SGCZ: variants seen among roughly 807,000 people sequenced by gnomAD.
The protein encoded by SGCZ is zeta-sarcoglycan.
In SGCZ, 40 loss-of-function variants were observed where a neutral mutation model predicts 41.3. That is an observed-to-expected ratio of 0.97 (90% CI 0.75 to 1.26). SGCZ has a LOEUF of 1.26. SGCZ is among the 50% of genes most tolerant of loss of function. The pLI, the probability that SGCZ is intolerant of heterozygous loss-of-function variation, is 0.00. For missense variants in SGCZ, 552 were observed against 369.8 expected, an observed-to-expected ratio of 1.49 and a Z score of -4.04; for synonymous variants, 206 against 137.5, an observed-to-expected ratio of 1.50 and a Z score of -3.49.
chr8:14,247,053 G>C (rs578211237), intron 3 of SGCZ, among the ~76,000 whole-genome samples: 102 of 152,032 alleles, frequency 6.7e-4, no homozygotes, highest in African/African-American at 2.4e-3. Context: ...CTGTTTACCT[G>C]ACTTCCTTGA....
chr8:15,098,548 A>T (rs1353052486), intron 1 of SGCZ, among the ~76,000 whole-genome samples: 1 of 152,234 alleles, frequency 6.6e-6, no homozygotes, highest in Non-Finnish European at 1.5e-5. Flanking sequence ...AGTATATCTT[A>T]TAAAATGTCA....
chr8:14,239,765 A>G (rs981951095), intron 3 of SGCZ, among the ~76,000 whole-genome samples: 3 of 149,626 alleles, frequency 2.0e-5, no homozygotes, highest in African/African-American at 4.9e-5. Context: ...AGCCGGGCGT[A>G]GTGGCGGGCG....
chr8:15,084,517 G>A (rs972248595), intron 1 of SGCZ, among the ~76,000 whole-genome samples: 13 of 152,168 alleles, frequency 8.5e-5, no homozygotes, highest in African/African-American at 1.2e-4. Context: ...TTGGGAGGCC[G>A]AGGCTGGCGG....
At chr8:14,839,148 G>A (rs1802811293) in intron 1 of SGCZ, among the ~76,000 whole-genome samples, 1 of 152,106 alleles carries the variant, frequency 6.6e-6, no homozygotes, top group Non-Finnish European at 1.5e-5. Flanking sequence ...ATTGATGGTT[G>A]CTTAAACTAG....
intron 1 of SGCZ, among the ~76,000 whole-genome samples, chr8:15,217,386 C>T (rs1452031950): frequency 1.4e-5 from 2 of 147,904 alleles, no homozygotes; most frequent in Non-Finnish European, 3.0e-5. Context: ...CACCGCACTC[C>T]AACCTGGGAG....
At chr8:14,337,051 G>C (rs1802527980) in intron 2 of SGCZ, among the ~76,000 whole-genome samples, 1 of 152,102 alleles carries the variant, frequency 6.6e-6, no homozygotes, top group South Asian at 2.1e-4. Flanking sequence ...TGGGAGGACT[G>C]TGAGTGAGTA....
intron 4 of SGCZ, chr8:14,165,245 T>C (rs1168332906): frequency 6.6e-6 from 1 of 152,252 alleles, no homozygotes; most frequent in Non-Finnish European, 1.5e-5. Context: ...ATCCATTTTA[T>C]AGTACATCTT....
chr8:15,223,067 T>G (rs1196359389), intron 1 of SGCZ, among the ~76,000 whole-genome samples: 1 of 152,144 alleles, frequency 6.6e-6, no homozygotes, highest in Non-Finnish European at 1.5e-5. Context: ...GAATCTTAAA[T>G]CATATTAAAT....
chr8:14,807,132 G>T (rs1801563294), intron 1 of SGCZ, among the ~76,000 whole-genome samples: 1 of 151,462 alleles, frequency 6.6e-6, no homozygotes, highest in Admixed American at 6.6e-5. Context: ...CATACTGAAT[G>T]GGCAAAAACT....
At chr8:14,978,452 C>T (rs1419733718) in intron 1 of SGCZ, among the ~76,000 whole-genome samples, 1 of 108,718 alleles carries the variant, frequency 9.2e-6, no homozygotes, top group Non-Finnish European at 1.6e-5. Context: ...GCCTGGAGGA[C>T]CGAGTGAGAC....
chr8:14,293,207 C>T (rs559305526), intron 3 of SGCZ, among the ~76,000 whole-genome samples: 11 of 152,068 alleles, frequency 7.2e-5, no homozygotes, highest in South Asian at 6.2e-4. Context: ...GCAACATACA[C>T]GTAACAAAGA....
intron 3 of SGCZ, among the ~76,000 whole-genome samples, chr8:14,260,842 C>T (rs1186510899): frequency 1.3e-5 from 2 of 152,012 alleles, no homozygotes; most frequent in Non-Finnish European, 2.9e-5. Context: ...TAAACTATCT[C>T]AAGAACAAAA....
At chr8:14,210,408 G>T (rs1563187585) in intron 4 of SGCZ, among the ~76,000 whole-genome samples, 1 of 151,630 alleles carries the variant, frequency 6.6e-6, no homozygotes, top group Non-Finnish European at 1.5e-5. Context: ...CAAACCCTTG[G>T]AATTACCCTT....
chr8:14,873,375 T>C lies in SGCZ; in HGVS notation c.40-318449A>G, dbSNP rs1804236096. ...TATATTTTATAATACATGCCTTCAA[T>C]TCTATGGAATTATAGATTGCCTCTG... On this transcript the variant is annotated intron_variant, in intron 1 of 7. Transcript: ENST00000382080. Among the ~76,000 whole-genome samples, 4 of 152,260 alleles carry C rather than the reference T, an allele frequency of 2.6e-5. No homozygotes were observed. The South Asian group carries it at 8.3e-4, about 32-fold the overall frequency.
chr8:15,184,880 C>T (rs1260104917), intron 1 of SGCZ, among the ~76,000 whole-genome samples: 1 of 152,072 alleles, frequency 6.6e-6, no homozygotes, highest in East Asian at 1.9e-4. Flanking sequence ...TTTGTATTCA[C>T]TTTATTAAAT....
chr8:15,024,588 T>C (rs1374619024), intron 1 of SGCZ, among the ~76,000 whole-genome samples: 1 of 152,054 alleles, frequency 6.6e-6, no homozygotes, highest in Non-Finnish European at 1.5e-5. Flanking sequence ...AAAGAAAAAG[T>C]AGAGCAGTGT....
At position 14,476,441 on chromosome 8, in the gene SGCZ, G is replaced by T. The variant is rs546045993; in HGVS notation, c.234+78291C>A. Among the ~76,000 whole-genome samples the T allele has an allele frequency of 4.6e-5, 7 of 151,736 alleles. No homozygotes were observed. In the South Asian group the frequency reaches 1.5e-3, roughly 32 times the overall value. On this transcript the variant is annotated intron_variant, in intron 2 of 7. Transcript: ENST00000382080. ...TGAGTCTATTTCTCTGGAGAACCCT[G>T]AATAATATATATATGTATGCATGTA...
intron 4 of SGCZ, among the ~76,000 whole-genome samples, chr8:14,199,028 G>A (rs947725308): frequency 6.6e-6 from 1 of 152,286 alleles, no homozygotes; most frequent in South Asian, 2.1e-4. Flanking sequence ...TATCAAATCT[G>A]GGCACCTTAA....
intron 3 of SGCZ, among the ~76,000 whole-genome samples, chr8:14,257,299 C>T (rs902275180): frequency 6.6e-6 from 1 of 151,714 alleles, no homozygotes; most frequent in Non-Finnish European, 1.5e-5. Context: ...CCACTCACTC[C>T]CTCACTCCAC....
Sources: allele counts gnomAD v4.1 joint callset (sites outside exome capture counted in the v4.1 genomes callset), GRCh38; gene constraint gnomAD v4.1.1; transcripts MANE v1.5; gene names NCBI Gene and HGNC (gene_info 2026-07-23, HGNC 2026-07-21).